The following CPB2 variants were observed in gnomAD, a reference collection of about 807,000 sequenced individuals.
CPB2 encodes carboxypeptidase B2.
Under a neutral mutation model 57.0 loss-of-function variants are expected in CPB2, and 54 were observed. The ratio of observed to expected loss-of-function variants is 0.95; its 90% CI spans 0.76 to 1.19. The LOEUF is 1.19. CPB2 is among the 50% of genes most tolerant of loss of function. CPB2 has a pLI of 0.00. For synonymous variants in CPB2, 189 were observed against 178.1 expected (o/e 1.06, Z -0.49); for missense variants, 426 against 512.0 (o/e 0.83, Z 1.62).
chr13:46,060,417 A>G (rs1009495158), intron 8 of CPB2, among the ~76,000 whole-genome samples: 1 of 151,910 alleles, frequency 6.6e-6, no homozygotes, highest in Admixed American at 6.6e-5. Context: ...AGCTGAGATC[A>G]TGACACTGCA....
At chr13:46,081,721 C>T (rs1278803254) in intron 4 of CPB2, among the ~76,000 whole-genome samples, 1 of 152,114 alleles carries the variant, frequency 6.6e-6, no homozygotes, top group South Asian at 2.1e-4. Flanking sequence ...GCTGCATACT[C>T]ATAAAAAGGC....
chr13:46,078,740 G>C (rs972232003), intron 5 of CPB2, 60 bp downstream of exon 5: 20 of 1,102,106 alleles, frequency 1.8e-5, no homozygotes, highest in Non-Finnish European at 2.6e-5. Flanking sequence ...TAACAAACAC[G>C]ACTGGAGAAT....
intron 1 of CPB2, among the ~76,000 whole-genome samples, chr13:46,092,035 C>T (rs189246241): frequency 1.3e-5 from 2 of 152,116 alleles, no homozygotes; most frequent in African/African-American, 4.8e-5. Context: ...TCTGAGCCCC[C>T]CCTTTTTTTT....
chr13:46,078,232 T>A (rs769693212), intron 5 of CPB2, among the ~76,000 whole-genome samples: 5 of 152,174 alleles, frequency 3.3e-5, no homozygotes, highest in Non-Finnish European at 7.4e-5. Flanking sequence ...TTTTTAAAAA[T>A]TAACATCAAA....
chr13:46,076,171 TA>T (rs1331463617), intron 5 of CPB2, among the ~76,000 whole-genome samples: 3 of 151,932 alleles, frequency 2.0e-5, no homozygotes, highest in African/African-American at 7.3e-5. Context: ...GAGAAAGAAA[TA>T]AAAGGCATCT....
chr13:46,102,957 A>G (rs754582910), intron 1 of CPB2, among the ~76,000 whole-genome samples: 8 of 152,130 alleles, frequency 5.3e-5, no homozygotes, highest in Non-Finnish European at 5.9e-5. Context: ...TTTTTCAAGC[A>G]TAAGTATCAG....
intron 10 of CPB2, 56 bp from the exon 11 acceptor site, chr13:46,053,854 A>G: frequency 6.6e-7 from 1 of 1,515,358 alleles, no homozygotes; most frequent in Non-Finnish European, 9.1e-7. Flanking sequence ...TAATTTACAA[A>G]CTGGGAATTG....
chr13:46,060,703 A>G (rs568126689), intron 8 of CPB2, among the ~76,000 whole-genome samples: 2 of 152,262 alleles, frequency 1.3e-5, no homozygotes, highest in East Asian at 3.9e-4. Context: ...AGTGGCTACT[A>G]TGCTGGACAG....
intron 3 of CPB2, 51 bp downstream of exon 3, chr13:46,084,168 G>T (rs748931915): frequency 1.3e-6 from 2 of 1,597,808 alleles, no homozygotes; most frequent in Non-Finnish European, 1.7e-6. Flanking sequence ...CTAGTCAAGT[G>T]CATAGTAAGT....
chr13:46,060,713 G>T (rs1280215550), intron 8 of CPB2, among the ~76,000 whole-genome samples: 1 of 152,122 alleles, frequency 6.6e-6, no homozygotes, highest in Non-Finnish European at 1.5e-5. Flanking sequence ...ATGCTGGACA[G>T]TGAGCCTCAG....
chr13:46,080,676 A>T (rs980356634), intron 4 of CPB2, among the ~76,000 whole-genome samples: 2 of 152,130 alleles, frequency 1.3e-5, no homozygotes, highest in African/African-American at 4.8e-5. Flanking sequence ...TGCACAAACA[A>T]AAGGTCATAT....
intron 6 of CPB2, among the ~76,000 whole-genome samples, chr13:46,070,761 T>C (rs774973501): frequency 5.9e-5 from 9 of 152,190 alleles, no homozygotes; most frequent in Non-Finnish European, 1.3e-4. Context: ...TACTCCAATC[T>C]CTATATATGT....
chr13:46,086,822 A>T (rs1402918416), intron 2 of CPB2, among the ~76,000 whole-genome samples: 1 of 152,138 alleles, frequency 6.6e-6, no homozygotes, highest in East Asian at 1.9e-4. Context: ...GCTCGTCAGT[A>T]CCCAAAGTCC....
chr13:46,103,790 A>G (rs1196588575), intron 1 of CPB2, among the ~76,000 whole-genome samples: 4 of 152,164 alleles, frequency 2.6e-5, no homozygotes, highest in Non-Finnish European at 4.4e-5. Flanking sequence ...ACTGAAGCCA[A>G]TTATCAAGTT....
At chr13:46,103,564 T>C (rs919724864) in intron 1 of CPB2, among the ~76,000 whole-genome samples, 1 of 152,246 alleles carries the variant, frequency 6.6e-6, no homozygotes, top group Non-Finnish European at 1.5e-5. Context: ...GTTTCCTCCT[T>C]TGTAAAATGT....
chr13:46,100,263 A>G (rs549311176), intron 1 of CPB2: 2 of 152,348 alleles, frequency 1.3e-5, no homozygotes, highest in South Asian at 4.1e-4. Flanking sequence ...TTAAAAATTC[A>G]CCAAAAATTT....
intron 5 of CPB2, 31 bp from the exon 6 acceptor site, chr13:46,074,008 A>G: frequency 1.5e-6 from 2 of 1,319,120 alleles, no homozygotes; most frequent in Non-Finnish European, 2.2e-6. Flanking sequence ...AGTAGCAAAA[A>G]CAGTAACAAT....
Position 46,058,226 on chromosome 13 carries a change from A to C in CPB2, c.952T>G (p.Phe318Val), listed in dbSNP as rs1383299295. The C allele has an allele frequency of 2.5e-6, 4 of 1,613,980 alleles. No homozygotes were observed. The highest frequency in any genetic ancestry group is 3.4e-6 in the Non-Finnish European group (4 of 1,179,970). Reference protein sequence around the residue: ...SMHSYSQHIVFPYSYTRSKSK... With the variant: ...SMHSYSQHIVVPYSYTRSKSK... ...TTACTTCGTGTATAGGAATATGGAA[A>C]CACTATATGCTGGGAGTATGAATGC... is the stretch of plus-strand genomic sequence containing the variant. The change falls in exon 9 of 11, where the codon TTT (phenylalanine) becomes GTT (valine). Residue 318 changes from phenylalanine to valine, a missense_variant. Coordinates refer to ENST00000181383, the MANE Select transcript of CPB2 (RefSeq NM_001872.5).
At chr13:46,085,784 A>G (rs2045194191) in intron 2 of CPB2, among the ~76,000 whole-genome samples, 1 of 152,232 alleles carries the variant, frequency 6.6e-6, no homozygotes, top group South Asian at 2.1e-4. Flanking sequence ...ATATTGTTAC[A>G]GGATCCCTGG....
Sources: gnomAD v4.1 joint callset for allele counts (sites outside exome capture counted in the v4.1 genomes callset) on GRCh38, gnomAD v4.1.1 for gene constraint, MANE v1.5 for transcripts, NCBI Gene and HGNC (gene_info 2026-07-23, HGNC 2026-07-21) for gene names.